Variants in KCNH7 observed in about 807,000 individuals in gnomAD.
The protein encoded by KCNH7 is voltage-gated inwardly rectifying potassium channel KCNH7.
Under a neutral mutation model 120.8 loss-of-function variants are expected in KCNH7, and 49 were observed. The observed-to-expected ratio is 0.41, with a 90% CI of 0.32 to 0.51. KCNH7 has a LOEUF of 0.51. KCNH7 is among the 20% of genes least tolerant of loss of function. The pLI is 0.38. For synonymous variants in KCNH7, 547 were observed against 516.1 expected (o/e 1.06, Z -0.81); for missense variants, 1,097 against 1,446.6 (o/e 0.76, Z 3.92).
intron 2 of KCNH7, among the ~76,000 whole-genome samples, chr2:162,811,479 C>T (rs926194106): frequency 6.6e-6 from 1 of 151,858 alleles, no homozygotes; most frequent in African/African-American, 2.4e-5. Context: ...TTTTAGGGTC[C>T]CTATTTTACA....
At chr2:162,492,378 G>T (rs1030375554) in intron 6 of KCNH7, among the ~76,000 whole-genome samples, 2 of 152,084 alleles carry the variant, frequency 1.3e-5, no homozygotes, top group Non-Finnish European at 2.9e-5. Context: ...ATGTCTTTGG[G>T]GGCTTGACCT....
At chr2:162,640,749 AGT>A (rs1269095645) in intron 2 of KCNH7, among the ~76,000 whole-genome samples, 1 of 152,182 alleles carries the variant, frequency 6.6e-6, no homozygotes, top group Non-Finnish European at 1.5e-5. Context: ...GACAAGATAT[AGT>A]GTGGGAGAAA....
At chr2:162,385,140 A>T (rs1322806493) in intron 12 of KCNH7, among the ~76,000 whole-genome samples, 1 of 151,936 alleles carries the variant, frequency 6.6e-6, no homozygotes, top group Admixed American at 6.6e-5. Flanking sequence ...AAATTAAAAG[A>T]ATATTTACAA....
At position 162,727,739 on chromosome 2, in the gene KCNH7, C is replaced by T. The variant is rs569366705; in HGVS notation, c.307+108798G>A. On this transcript the variant is annotated intron_variant, in intron 2 of 15. Transcript: ENST00000332142. ...TTACATACTTTCTTGTTGATGAACACTTGGGCTGTTTCCAAGGTTTTGGCT... is the reference window on the plus strand; with the variant it reads ...TTACATACTTTCTTGTTGATGAACATTTGGGCTGTTTCCAAGGTTTTGGCT... 1.3e-3 allele frequency among the ~76,000 whole-genome samples: 201 copies of T among 152,216 alleles called. 2 individuals carry two copies. Among genetic ancestry groups the T allele is most frequent in the Middle Eastern group, 0.01 (3 of 294 alleles).
chr2:162,595,943 ACAAT>A (rs1280491471), intron 2 of KCNH7, among the ~76,000 whole-genome samples: 2 of 152,094 alleles, frequency 1.3e-5, no homozygotes, highest in Non-Finnish European at 2.9e-5. Context: ...AATTAAGAAA[ACAAT>A]CACATTTATA....
intron 6 of KCNH7, among the ~76,000 whole-genome samples, chr2:162,466,086 T>G (rs1009331986): frequency 1.3e-5 from 2 of 152,210 alleles, no homozygotes; most frequent in Non-Finnish European, 2.9e-5. Flanking sequence ...GTAAGATTGA[T>G]AGCTGTGTTG....
At chr2:162,482,620 T>C (rs758961723) in intron 6 of KCNH7, among the ~76,000 whole-genome samples, 4 of 152,184 alleles carry the variant, frequency 2.6e-5, no homozygotes, top group Non-Finnish European at 4.4e-5. Context: ...TTATATTAAG[T>C]TTACTGGTTG....
In KCNH7 at chr2:162,491,748, C is replaced by T. The variant is rs188703648; in HGVS notation, c.1128+12695G>A. On this transcript the variant is annotated intron_variant, in intron 6 of 15. Coordinates refer to ENST00000332142, the MANE Select transcript of KCNH7 (RefSeq NM_033272.4). The stretch of plus-strand genomic sequence containing the variant: ...GGGACACCATTATTTCTCTCCCTCA[C>T]GTACCCCAGGTATTTGCTAGGAAGA... Among the ~76,000 whole-genome samples, 6 of 152,278 alleles carry T rather than the reference C, an allele frequency of 3.9e-5. No individual in the cohort carries two copies. The East Asian group carries it at 7.7e-4, about 20-fold the overall frequency.
chr2:162,798,056 C>T (rs144754311), intron 2 of KCNH7: 20 of 152,026 alleles, frequency 1.3e-4, no homozygotes, highest in African/African-American at 4.1e-4. Flanking sequence ...GACTTCAAGC[C>T]ATCCTTAAGT....
intron 2 of KCNH7, among the ~76,000 whole-genome samples, chr2:162,720,313 A>G (rs913556753): frequency 6.6e-6 from 1 of 150,768 alleles, no homozygotes; most frequent in Non-Finnish European, 1.5e-5. Context: ...AAAAAAAAAA[A>G]AAAAAAAAAA....
intron 7 of KCNH7, among the ~76,000 whole-genome samples, chr2:162,445,327 T>C (rs1217327083): frequency 6.6e-6 from 1 of 152,172 alleles, no homozygotes; most frequent in African/African-American, 2.4e-5. Flanking sequence ...TCAAGCATTC[T>C]ATAAATCTTT....
chr2:162,444,901 C>G (rs1364887332), intron 7 of KCNH7, among the ~76,000 whole-genome samples: 1 of 151,480 alleles, frequency 6.6e-6, no homozygotes, highest in African/African-American at 2.4e-5. Context: ...CATGTACTAT[C>G]TCATTAGAGT....
At chr2:162,590,219 G>C (rs1694165043) in intron 2 of KCNH7, among the ~76,000 whole-genome samples, 1 of 152,032 alleles carries the variant, frequency 6.6e-6, no homozygotes, top group African/African-American at 2.4e-5. Context: ...ACCTAAATCA[G>C]AGTTTTAGAA....
At chr2:162,610,123 T>C (rs1281652424) in intron 2 of KCNH7, among the ~76,000 whole-genome samples, 3 of 152,214 alleles carry the variant, frequency 2.0e-5, no homozygotes, top group East Asian at 3.9e-4. Flanking sequence ...TTACCCAAAG[T>C]TGGAAATAAG....
chr2:162,519,585 T>G (rs1252034639), intron 3 of KCNH7, among the ~76,000 whole-genome samples: 1 of 151,850 alleles, frequency 6.6e-6, no homozygotes, highest in Non-Finnish European at 1.5e-5. Flanking sequence ...ACTAATACAG[T>G]AAAACTTCCA....
At chr2:162,588,926 C>T (rs976136555) in intron 2 of KCNH7, among the ~76,000 whole-genome samples, 5 of 152,020 alleles carry the variant, frequency 3.3e-5, no homozygotes, top group African/African-American at 7.2e-5. Context: ...ATGGTGGGTG[C>T]GATCCTAGGA....
At chr2:162,690,084 A>G (rs1343115068) in intron 2 of KCNH7, among the ~76,000 whole-genome samples, 1 of 152,222 alleles carries the variant, frequency 6.6e-6, no homozygotes, top group African/African-American at 2.4e-5. Flanking sequence ...TTGCAGGGAC[A>G]TAGATGGAGC....
intron 2 of KCNH7, among the ~76,000 whole-genome samples, chr2:162,708,655 T>TC (rs1295331392): frequency 1.3e-5 from 2 of 152,076 alleles, no homozygotes; most frequent in East Asian, 3.9e-4. Flanking sequence ...GAATCATTGT[T>TC]CAATAGAGTG....
In KCNH7 at chr2:162,813,507, T is replaced by C. The variant is rs142139516; in HGVS notation, c.307+23030A>G. Among the ~76,000 whole-genome samples, 60 of 152,298 alleles carry C rather than the reference T, an allele frequency of 3.9e-4. 1 individual carries two copies. The highest frequency in any genetic ancestry group is 1.4e-3 in the African/African-American group (57 of 41,562). On this transcript the variant is annotated intron_variant, in intron 2 of 15. Coordinates refer to ENST00000332142, the MANE Select transcript of KCNH7 (RefSeq NM_033272.4). The stretch of plus-strand genomic sequence containing the variant: ...ACTTCTAAAATCTTTGGGTTAGCAC[T>C]TTACCTTCATCATTCATTCTCTCCC...
Sources: gnomAD v4.1 joint callset for allele counts (sites outside exome capture counted in the v4.1 genomes callset) on GRCh38, gnomAD v4.1.1 for gene constraint, MANE v1.5 for transcripts, NCBI Gene and HGNC (gene_info 2026-07-23, HGNC 2026-07-21) for gene names.